COG7: variants seen among roughly 807,000 people sequenced by gnomAD.
The protein encoded by COG7 is conserved oligomeric Golgi complex subunit 7.
In COG7, 49 loss-of-function variants were observed where a neutral mutation model predicts 91.5. That is an observed-to-expected ratio of 0.54 (90% confidence interval 0.43 to 0.68). The LOEUF (loss-of-function observed/expected upper bound fraction) is 0.68, where lower values mean the gene tolerates loss of function less well. Among genes scored for constraint, COG7 ranks in the 30% least tolerant of loss-of-function variants. COG7 has a pLI of 0.00. For missense variants in COG7, 895 were observed against 961.3 expected, an observed-to-expected ratio of 0.93 and a Z score of 0.91; for synonymous variants, 365 against 388.7, an observed-to-expected ratio of 0.94 and a Z score of 0.72.
intron 6 of COG7, among the ~76,000 whole-genome samples, chr16:23,429,975 G>T (rs779060405): frequency 2.6e-5 from 4 of 152,190 alleles, no homozygotes; most frequent in Admixed American, 1.3e-4. Flanking sequence ...AATCAGGGCA[G>T]TGGTTGCCTT....
intron 14 of COG7, among the ~76,000 whole-genome samples, chr16:23,397,637 G>C (rs1449798675): frequency 3.3e-5 from 5 of 152,218 alleles, no homozygotes; most frequent in Non-Finnish European, 7.3e-5. Flanking sequence ...ACTCCACACA[G>C]AGCCTGGCAC....
rs970330261 is a variant in COG7, at chr16:23,427,085, C to CA, written c.811-2139dup. On this transcript the variant is annotated intron_variant, in intron 6 of 16. Coordinates refer to ENST00000307149, the MANE Select transcript of COG7 (RefSeq NM_153603.4). ...GCAACAAAGTAAGATCCTGTCTCTA[C>CA]AAAAAATGTTCAAAAATTAGCCAGG... Among the ~76,000 whole-genome samples, 4 of 151,916 alleles carry CA rather than the reference C, an allele frequency of 2.6e-5. No homozygotes were observed. In the South Asian group the frequency reaches 6.2e-4, roughly 24 times the overall value.
In COG7 at chr16:23,434,659, C is replaced by T. The variant is rs1228086594; in HGVS notation, c.664G>A (p.Ala222Thr). The T allele has an allele frequency of 1.5e-5, 25 of 1,613,624 alleles. No homozygotes were observed. Among genetic ancestry groups the T allele is most frequent in the East Asian group, 2.2e-5 (1 of 44,878 alleles). ...ACCTTGTGACACTTGTAGTAGTAGG[C>T]CAGGAGCTGGGGCATCCGGTCAATT... ...TEIDRMPQLL[A>T]YYYKCHKVQL... is the part of the protein sequence containing the mutation. Residue 222 changes from alanine (A) to threonine (T), a missense_variant, in exon 5 of 17, where the codon GCC (alanine) becomes ACC (threonine). Physicochemically the swap from Ala to Thr is moderately conservative, Grantham distance 58. Coordinates refer to ENST00000307149, the MANE Select transcript of COG7 (RefSeq NM_153603.4).
chr16:23,432,100 T>G (rs1276851954), intron 6 of COG7, among the ~76,000 whole-genome samples: 1 of 152,050 alleles, frequency 6.6e-6, no homozygotes, highest in East Asian at 1.9e-4. Context: ...TGAGCCATGA[T>G]CATGCCACTG....
rs185819048 is a variant in COG7 at position 23,393,698 on chromosome 16, C to A, written c.1888-351G>T. On this transcript the variant is annotated intron_variant, in intron 14 of 16. Coordinates refer to ENST00000307149, the MANE Select transcript of COG7 (RefSeq NM_153603.4). The stretch of plus-strand genomic sequence containing the variant: ...ATTATTACTGTTCATAGGTGAAAAA[C>A]CAGTAAGATACTAGTGTCAGAATGT... The A allele has an allele frequency of 1.6e-4, 44 of 283,690 alleles. No homozygotes were observed. In the East Asian group the frequency reaches 3.1e-3, roughly 20 times the overall value. The allele number at this position is 283,690 out of a possible 1,614,324, so 17.6% of individuals were successfully genotyped here.
In COG7 at chr16:23,406,120, G is replaced by T. The variant is rs1462177440; in HGVS notation, c.1618C>A (p.Pro540Thr). 15 of 1,613,982 alleles carry T rather than the reference G, an allele frequency of 9.3e-6. No individual in the cohort carries two copies. The highest frequency in any genetic ancestry group is 1.2e-5 in the Non-Finnish European group (14 of 1,180,000). Residue 540 changes from proline to threonine, a missense_variant, in exon 12 of 17, where the codon CCT becomes ACT. Physicochemically the swap from Pro to Thr is conservative, Grantham distance 38 (BLOSUM62 -1). Coordinates refer to ENST00000307149, the MANE Select transcript of COG7 (RefSeq NM_153603.4). ...QEYNYLQKDN[P>T]AEYASLMEIL... ...TCCATTAAACTGGCATATTCAGCAG[G>T]GTTATCTTTCTGGAGGTAATTATAT...
intron 11 of COG7, among the ~76,000 whole-genome samples, chr16:23,407,719 G>C (rs1409601311): frequency 1.3e-5 from 2 of 152,286 alleles, no homozygotes; most frequent in Non-Finnish European, 2.9e-5. Flanking sequence ...ACAGTGCCTG[G>C]TACGTGGCAG....
In COG7 at chr16:23,425,081, A is replaced by G. The variant is rs563782405; in HGVS notation, c.811-134T>C. The stretch of plus-strand genomic sequence containing the variant: ...TCCCAGCACCTTGGGAGGCCAAGGA[A>G]GGTGGATCACTTGAAGCCAGGAGTT... On this transcript the variant is annotated intron_variant, in intron 6 of 16. Transcript: ENST00000307149. 4.0e-6 allele frequency: 3 copies of G among 744,348 alleles called. No individual in the cohort carries two copies. The Admixed American group carries it at 6.7e-5, about 17-fold the overall frequency. 46.1% of individuals were successfully genotyped at this position (744,348 alleles called of 1,614,324 possible).
At chr16:23,436,011 AG>A (rs1964007951) in intron 4 of COG7, among the ~76,000 whole-genome samples, 1 of 152,050 alleles carries the variant, frequency 6.6e-6, no homozygotes, top group South Asian at 2.1e-4. Flanking sequence ...CTGAGGTGGG[AG>A]GACTGTTTGA....
Position 23,393,233 on chromosome 16 carries a change from C to T in COG7, c.2002G>A (p.Gly668Arg). 1.9e-6 allele frequency: 3 copies of T among 1,611,710 alleles called. No homozygotes were observed. The highest frequency in any genetic ancestry group is 2.5e-6 in the Non-Finnish European group (3 of 1,178,154). Residue 668 changes from glycine to arginine, a missense_variant and splice_region_variant, in exon 15 of 17, where the codon GGG becomes AGG. Gly to Arg is a moderately radical substitution (Grantham distance 125). Transcript: ENST00000307149. ...AGKLPFPPEQGDELPELDNMA... is the reference protein window; with the variant it reads ...AGKLPFPPEQRDELPELDNMA... Reference sequence around the variant, plus strand: ...ATCGCCAGAAACGGTCCCCGCTTACCCTGCTCAGGAGGAAATGGCAGCTTT... The same window carrying T: ...ATCGCCAGAAACGGTCCCCGCTTACTCTGCTCAGGAGGAAATGGCAGCTTT...
intron 8 of COG7, 192 bp from the exon 9 acceptor site, chr16:23,417,313 G>C: frequency 3.2e-6 from 2 of 628,856 alleles, no homozygotes; most frequent in Admixed American, 2.5e-5. Flanking sequence ...GTGGGATCAT[G>C]GAAATTCACT....
intron 1 of COG7, 21 bp from the exon 2 acceptor site, chr16:23,445,982 A>T: frequency 6.2e-7 from 1 of 1,607,416 alleles, no homozygotes; most frequent in Non-Finnish European, 8.5e-7. Flanking sequence ...AAAAAAAAAA[A>T]AAAACAACAA....
chr16:23,443,305 A>G (rs897484321), intron 3 of COG7, among the ~76,000 whole-genome samples: 3 of 152,012 alleles, frequency 2.0e-5, no homozygotes, highest in Admixed American at 1.3e-4. Flanking sequence ...CAGCATTTTC[A>G]GAGGCTGAGG....
intron 6 of COG7, among the ~76,000 whole-genome samples, chr16:23,428,426 TG>T (rs1963883059): frequency 6.6e-6 from 1 of 152,004 alleles, no homozygotes; most frequent in Admixed American, 6.6e-5. Flanking sequence ...TTTTTTTTAA[TG>T]GACAAAAGAC....
At chr16:23,439,670 AT>A (rs1964069718) in intron 4 of COG7, among the ~76,000 whole-genome samples, 1 of 152,224 alleles carries the variant, frequency 6.6e-6, no homozygotes, top group Admixed American at 6.5e-5. Flanking sequence ...CAAAAGTAGA[AT>A]GATGATTGCT....
intron 6 of COG7, 29 bp downstream of exon 6, chr16:23,433,516 T>C: frequency 6.2e-7 from 1 of 1,613,820 alleles, no homozygotes; most frequent in East Asian, 2.2e-5. Flanking sequence ...ACAGACTCTG[T>C]TCTCCCTAGA....
At position 23,388,714 on chromosome 16, in the gene COG7, C is replaced by G; in HGVS notation, c.*206G>C. ...ATGGGGTTTCACCATGTTGGTCAGG[C>G]TGGTCTCGAACTCCTGGCTTCATGA... is the stretch of plus-strand genomic sequence containing the variant. On this transcript the variant is annotated 3_prime_UTR_variant, in exon 17 of 17. Transcript: ENST00000307149. 1 of 682,410 alleles carries G rather than the reference C, an allele frequency of 1.5e-6. No individual in the cohort carries two copies. Among genetic ancestry groups the G allele is most frequent in the Non-Finnish European group, 2.2e-6 (1 of 448,090 alleles). The allele number at this position is 682,410 out of a possible 1,614,324, so 42.3% of individuals were successfully genotyped here.
intron 9 of COG7, 170 bp downstream of exon 9, chr16:23,416,797 G>A (rs1963662281): frequency 4.0e-6 from 3 of 750,994 alleles, no homozygotes; most frequent in South Asian, 1.7e-5. Flanking sequence ...TGTTTCAAAT[G>A]TTCCACCATT....
intron 4 of COG7, chr16:23,441,870 A>G (rs1417257573): frequency 1.3e-5 from 2 of 153,392 alleles, no homozygotes; most frequent in African/African-American, 4.8e-5. Context: ...CAGAAGTAGC[A>G]TTTCACCTTT....
Sources: allele counts gnomAD v4.1 joint callset (sites outside exome capture counted in the v4.1 genomes callset), GRCh38; gene constraint gnomAD v4.1.1; transcripts MANE v1.5; gene names NCBI Gene and HGNC (gene_info 2026-07-23, HGNC 2026-07-21).